Variants in RPS6KA5 observed in about 807,000 individuals in gnomAD.
The protein encoded by RPS6KA5 is ribosomal protein S6 kinase alpha-5.
In RPS6KA5, 27 loss-of-function variants were observed where a neutral mutation model predicts 85.5. That is an observed-to-expected ratio of 0.32 (90% confidence interval 0.23 to 0.44). The LOEUF is 0.44. Among genes scored for constraint, RPS6KA5 ranks in the 20% least tolerant of loss-of-function variants. The probability of loss-of-function intolerance (pLI) is 1.00; values close to 1 mark genes in which losing one functional copy is unlikely to be tolerated. For missense variants in RPS6KA5, 811 were observed against 980.9 expected, an observed-to-expected ratio of 0.83 and a Z score of 2.31; for synonymous variants, 334 against 348.2, an observed-to-expected ratio of 0.96 and a Z score of 0.46.
intron 1 of RPS6KA5, among the ~76,000 whole-genome samples, chr14:91,049,194 A>C (rs2042974939): frequency 6.6e-6 from 1 of 152,246 alleles, no homozygotes; most frequent in Non-Finnish European, 1.5e-5. Flanking sequence ...AGGTCTAGGC[A>C]CTAGGGAACC....
intron 12 of RPS6KA5, among the ~76,000 whole-genome samples, chr14:90,898,490 C>G (rs1054975661): frequency 2.0e-5 from 3 of 152,186 alleles, no homozygotes; most frequent in African/African-American, 4.8e-5. Flanking sequence ...AAAGAGAGCC[C>G]AGAACTGGAG....
At position 90,920,290 on chromosome 14, in the gene RPS6KA5, A is replaced by C; in HGVS notation, c.722T>G (p.Leu241Trp). The change falls in exon 7 of 17, where the codon TTG (leucine) becomes TGG (tryptophan). Residue 241 changes from leucine to tryptophan, a missense_variant. By Grantham distance (61) the Leu-to-Trp change is moderately conservative. This residue lies in a region of RPS6KA5 where 650 missense variants were observed against 793.4 expected (regional missense o/e 0.82). Transcript: ENST00000614987. Reference sequence around the variant, plus strand: ...TAGTAATTCATACATTAGAACACCCAAACTCCACCAGTCAACTGCCTATAA... The same window carrying C: ...TAGTAATTCATACATTAGAACACCCCAACTCCACCAGTCAACTGCCTATAA... ...GHDKAVDWWS[L>W]GVLMYELLTG... 6.2e-7 allele frequency: 1 copy of C among 1,608,834 alleles called. No homozygotes were observed. The highest frequency in any genetic ancestry group is 8.5e-7 in the Non-Finnish European group (1 of 1,175,796).
intron 7 of RPS6KA5, among the ~76,000 whole-genome samples, chr14:90,908,469 C>A (rs976678233): frequency 6.6e-6 from 1 of 152,084 alleles, no homozygotes; most frequent in East Asian, 1.9e-4. Flanking sequence ...CTTGCCCCAC[C>A]CTGTGAAAAC....
At chr14:90,989,134 C>G (rs1418172130) in intron 2 of RPS6KA5, among the ~76,000 whole-genome samples, 2 of 151,906 alleles carry the variant, frequency 1.3e-5, no homozygotes, top group African/African-American at 2.4e-5. Context: ...GTTCAATAAC[C>G]ATAACCCATG....
At chr14:91,032,806 A>G (rs2042240600) in intron 1 of RPS6KA5, among the ~76,000 whole-genome samples, 1 of 152,044 alleles carries the variant, frequency 6.6e-6, no homozygotes, top group Non-Finnish European at 1.5e-5. Context: ...AAAGAAAAAC[A>G]TACAACAGAA....
chr14:90,969,887 G>A (rs2039241976), intron 3 of RPS6KA5, among the ~76,000 whole-genome samples: 1 of 151,312 alleles, frequency 6.6e-6, no homozygotes, highest in South Asian at 2.1e-4. Context: ...CTGTTACTTG[G>A]TCTTCTTTTT....
At chr14:90,941,314 G>T (rs1363716685) in intron 5 of RPS6KA5, among the ~76,000 whole-genome samples, 1 of 152,156 alleles carries the variant, frequency 6.6e-6, no homozygotes, top group African/African-American at 2.4e-5. Flanking sequence ...ATTTGGCTGG[G>T]CCAGTTCAGT....
At chr14:90,888,016 G>A (rs2034334230) in intron 14 of RPS6KA5, among the ~76,000 whole-genome samples, 1 of 148,654 alleles carries the variant, frequency 6.7e-6, no homozygotes, top group South Asian at 2.1e-4. Flanking sequence ...TCAGTAAGAT[G>A]CAAACATTGT....
rs1365158608 is a variant in RPS6KA5, at chr14:91,000,942, T to TG, written c.175+145dup. On this transcript the variant is annotated intron_variant, in intron 2 of 16. Coordinates refer to ENST00000614987, the MANE Select transcript of RPS6KA5 (RefSeq NM_004755.4). ...TTTTTGCCTTTTGTGCTTCTATGAA[T>TG]GGTCTGTTCATGTTCTTTGACAGTT... The TG allele has an allele frequency of 8.2e-6, 4 of 488,930 alleles. No homozygotes were observed. In the Admixed American group the frequency reaches 1.6e-4, roughly 19 times the overall value. 30.3% of individuals were successfully genotyped at this position (488,930 alleles called of 1,614,324 possible). A position where few individuals can be genotyped will look rare whatever the true frequency, so the allele number is the denominator to read the frequency against.
chr14:90,871,646 C>G lies in RPS6KA5; in HGVS notation c.*428G>C, dbSNP rs1001126472. On this transcript the variant is annotated 3_prime_UTR_variant, in exon 17 of 17. Coordinates refer to ENST00000614987, the MANE Select transcript of RPS6KA5 (RefSeq NM_004755.4). ...ACAGAATCTTTTTTGAAAACAGACC[C>G]CTTTCTCTGATAAATCATTGTTTGA... is the stretch of plus-strand genomic sequence containing the variant. 1 of 153,600 alleles carries G rather than the reference C, an allele frequency of 6.5e-6. No individual in the cohort carries two copies. The highest frequency in any genetic ancestry group is 1.4e-5 in the Non-Finnish European group (1 of 69,116). 9.5% of individuals were successfully genotyped at this position (153,600 alleles called of 1,614,324 possible).
rs1488906506 is a variant in RPS6KA5, at chr14:90,864,564, G to A, written c.*7510C>T. 6.6e-6 allele frequency: 1 copy of A among 152,112 alleles called. No homozygotes were observed. Among genetic ancestry groups the A allele is most frequent in the African/African-American group, 2.4e-5 (1 of 41,400 alleles). 9.4% of individuals were successfully genotyped at this position (152,112 alleles called of 1,614,324 possible). On this transcript the variant is annotated 3_prime_UTR_variant, in exon 17 of 17. Transcript: ENST00000614987. Reference sequence around the variant, plus strand: ...TATATTGGACTTCATAAAATTTTTGGTCATCAAAGGAAAGCACTTAGAAAG... The same window carrying A: ...TATATTGGACTTCATAAAATTTTTGATCATCAAAGGAAAGCACTTAGAAAG...
chr14:91,060,540 G>A lies in RPS6KA5; in HGVS notation c.-106C>T, dbSNP rs922880125. 65 of 1,215,284 alleles carry A rather than the reference G, an allele frequency of 5.3e-5. No individual in the cohort carries two copies. Among genetic ancestry groups the A allele is most frequent in the Admixed American group, 1.3e-4 (3 of 23,028 alleles). 75.3% of individuals were successfully genotyped at this position (1,215,284 alleles called of 1,614,324 possible). ...GCCGCGGCCCCAGGAGTCGGGGTGCGGCGGCTCCAGAACTCGGACGCAAAG... is the reference window on the plus strand; with the variant it reads ...GCCGCGGCCCCAGGAGTCGGGGTGCAGCGGCTCCAGAACTCGGACGCAAAG... On this transcript the variant is annotated 5_prime_UTR_variant, in exon 1 of 17. Coordinates refer to ENST00000614987, the MANE Select transcript of RPS6KA5 (RefSeq NM_004755.4).
intron 3 of RPS6KA5, among the ~76,000 whole-genome samples, chr14:90,972,900 G>A (rs1329576422): frequency 1.3e-5 from 2 of 152,074 alleles, no homozygotes; most frequent in Non-Finnish European, 2.9e-5. Flanking sequence ...GAGGCAAAGG[G>A]TACAAATAGA....
chr14:91,056,452 C>G (rs2043320540), intron 1 of RPS6KA5, among the ~76,000 whole-genome samples: 1 of 152,150 alleles, frequency 6.6e-6, no homozygotes, highest in South Asian at 2.1e-4. Context: ...GTAGTGGAAG[C>G]TGTAGGATGT....
chr14:90,978,834 A>G (rs183958658), intron 2 of RPS6KA5, among the ~76,000 whole-genome samples: 26 of 152,290 alleles, frequency 1.7e-4, no homozygotes, highest in African/African-American at 5.8e-4. Flanking sequence ...ACTAACCACA[A>G]TCCAATTCTG....
At chr14:91,053,550 GAAC>G (rs1249828895) in intron 1 of RPS6KA5, among the ~76,000 whole-genome samples, 1 of 152,038 alleles carries the variant, frequency 6.6e-6, no homozygotes, top group African/African-American at 2.4e-5. Context: ...CTCTTGGAAT[GAAC>G]AATCCAAAAA....
rs1173122105 is a variant in RPS6KA5, at chr14:90,854,810, T to C, written c.*17264A>G. 6.6e-6 allele frequency: 1 copy of C among 152,218 alleles called. No individual in the cohort carries two copies. Among genetic ancestry groups the C allele is most frequent in the Non-Finnish European group, 1.5e-5 (1 of 68,032 alleles). 9.4% of individuals were successfully genotyped at this position (152,218 alleles called of 1,614,324 possible). A position where few individuals can be genotyped will look rare whatever the true frequency, so the allele number is the denominator to read the frequency against. ...TTAGGTGTGCTTTATTCAAAATATA[T>C]TATTAAAAAATGTCAATACCTAGTT... On this transcript the variant is annotated 3_prime_UTR_variant, in exon 17 of 17. Coordinates refer to ENST00000614987, the MANE Select transcript of RPS6KA5 (RefSeq NM_004755.4).
At chr14:90,989,659 C>T (rs1488156453) in intron 2 of RPS6KA5, among the ~76,000 whole-genome samples, 1 of 152,008 alleles carries the variant, frequency 6.6e-6, no homozygotes. Flanking sequence ...AGGAAGGCAG[C>T]AGAGAGATTA....
intron 1 of RPS6KA5, among the ~76,000 whole-genome samples, chr14:91,034,487 ACTCTGTAAAAACGCACCAATCAGCG>A (rs1411976782): frequency 1.9e-4 from 29 of 152,032 alleles, no homozygotes; most frequent in African/African-American, 7.0e-4. Context: ...ACCAATCAAC[ACTCTGTAAAAACGCACCAATCAGCG>A]CTCTGTGTCT....
Sources: gnomAD v4.1 joint callset for allele counts (sites outside exome capture counted in the v4.1 genomes callset) on GRCh38, gnomAD v4.1.1 for gene constraint, gnomAD v4.1.1 regional missense constraint, MANE v1.5 for transcripts, NCBI Gene and HGNC (gene_info 2026-07-23, HGNC 2026-07-21) for gene names.